Variants in ADAMTS12 observed in about 807,000 individuals in gnomAD.
ADAMTS12 encodes A disintegrin and metalloproteinase with thrombospondin motifs 12.
ADAMTS12 carries 118 observed loss-of-function variants against 167.8 expected under a neutral mutation model. That is an observed-to-expected ratio of 0.70 (90% CI 0.61 to 0.82). The LOEUF (loss-of-function observed/expected upper bound fraction) is 0.82, where lower values mean the gene tolerates loss of function less well. ADAMTS12 is among the 40% of genes least tolerant of loss of function. The pLI is 0.00. For missense variants in ADAMTS12, 1,916 were observed against 1,998.8 expected, an observed-to-expected ratio of 0.96 and a Z score of 0.79; for synonymous variants, 704 against 716.9, an observed-to-expected ratio of 0.98 and a Z score of 0.29.
intron 5 of ADAMTS12, among the ~76,000 whole-genome samples, chr5:33,666,665 G>C (rs1387966423): frequency 6.6e-6 from 1 of 151,980 alleles, no homozygotes. Flanking sequence ...GCTAATTTTT[G>C]TATACTTAGT....
Position 33,794,361 on chromosome 5 carries a change from T to C in ADAMTS12, c.490-42813A>G, listed in dbSNP as rs2548038. Among the ~76,000 whole-genome samples the C allele has an allele frequency of 1.1e-3, 172 of 152,250 alleles. 1 individual carries two copies. In the East Asian group the frequency reaches 0.029, roughly 26 times the overall value. On this transcript the variant is annotated intron_variant, in intron 2 of 23. Transcript: ENST00000504830. ...ATTGCTGGTTTGTTCTTGCAGTCGA[T>C]CTGGAGCTAAAATTCCGGTCCTCAT...
At chr5:33,665,548 AAG>A (rs1385070032) in intron 5 of ADAMTS12, among the ~76,000 whole-genome samples, 1 of 152,224 alleles carries the variant, frequency 6.6e-6, no homozygotes, top group African/African-American at 2.4e-5. Flanking sequence ...ATAAGAGAGA[AAG>A]AGAGAAATCA....
At chr5:33,554,870 T>C (rs1395987028) in intron 20 of ADAMTS12, among the ~76,000 whole-genome samples, 1 of 152,248 alleles carries the variant, frequency 6.6e-6, no homozygotes, top group Non-Finnish European at 1.5e-5. Context: ...AAGGAAAGGC[T>C]GTCACTTTCT....
chr5:33,668,625 A>T (rs2112231705), intron 5 of ADAMTS12, among the ~76,000 whole-genome samples: 1 of 152,250 alleles, frequency 6.6e-6, no homozygotes, highest in African/African-American at 2.4e-5. Flanking sequence ...TGGGACTATA[A>T]GCCTGCACCA....
chr5:33,869,468 A>G (rs1404100225), intron 2 of ADAMTS12, among the ~76,000 whole-genome samples: 1 of 152,082 alleles, frequency 6.6e-6, no homozygotes, highest in Non-Finnish European at 1.5e-5. Flanking sequence ...CTGGAACCCT[A>G]CACAGGGTCC....
chr5:33,695,142 T>G (rs1742707429), intron 3 of ADAMTS12, among the ~76,000 whole-genome samples: 1 of 152,214 alleles, frequency 6.6e-6, no homozygotes, highest in Non-Finnish European at 1.5e-5. Flanking sequence ...TATTTGCAAC[T>G]AAAGAGATGA....
At chr5:33,529,658 T>C (rs751436129) in intron 23 of ADAMTS12, among the ~76,000 whole-genome samples, 5 of 152,348 alleles carry the variant, frequency 3.3e-5, no homozygotes, top group Non-Finnish European at 7.3e-5. Flanking sequence ...AAATTCTTTT[T>C]ATCTCCTCAG....
At chr5:33,849,863 A>AAT (rs1303992749) in intron 2 of ADAMTS12, among the ~76,000 whole-genome samples, 1 of 150,984 alleles carries the variant, frequency 6.6e-6, no homozygotes, top group Non-Finnish European at 1.5e-5. Context: ...ACATTGTATC[A>AAT]ATATATATAT....
intron 2 of ADAMTS12, among the ~76,000 whole-genome samples, chr5:33,866,633 A>AT (rs879475873): frequency 2.0e-5 from 3 of 152,182 alleles, no homozygotes; most frequent in Admixed American, 2.0e-4. Flanking sequence ...GCATAGCAAA[A>AT]TAAATAATCA....
intron 2 of ADAMTS12, among the ~76,000 whole-genome samples, chr5:33,860,391 A>G (rs2111688368): frequency 6.6e-6 from 1 of 152,352 alleles, no homozygotes; most frequent in Middle Eastern, 3.4e-3. Context: ...AACCAAATCA[A>G]TCAAGTGGAA....
intron 6 of ADAMTS12, among the ~76,000 whole-genome samples, chr5:33,661,465 C>T (rs567608786): frequency 2.6e-4 from 40 of 152,302 alleles, no homozygotes. Context: ...CTATCCTCAG[C>T]ATCAAACAGT....
chr5:33,839,100 A>ATT (rs1748642785), intron 2 of ADAMTS12, among the ~76,000 whole-genome samples: 2 of 152,182 alleles, frequency 1.3e-5, no homozygotes, highest in Non-Finnish European at 2.9e-5. Context: ...TGTGATTTAA[A>ATT]AAAGAGGCAG....
chr5:33,558,424 A>T (rs560433618), intron 20 of ADAMTS12, among the ~76,000 whole-genome samples: 10 of 152,296 alleles, frequency 6.6e-5, no homozygotes, highest in African/African-American at 2.4e-4. Context: ...GCTGAATTTG[A>T]TGATGTGTCA....
intron 5 of ADAMTS12, among the ~76,000 whole-genome samples, chr5:33,678,291 T>C (rs1294128416): frequency 1.3e-5 from 2 of 152,250 alleles, no homozygotes; most frequent in African/African-American, 4.8e-5. Flanking sequence ...GCTGGCCTCA[T>C]TTGCACACTT....
intron 17 of ADAMTS12, among the ~76,000 whole-genome samples, chr5:33,589,415 A>T (rs1342808799): frequency 6.6e-6 from 1 of 152,102 alleles, no homozygotes; most frequent in Non-Finnish European, 1.5e-5. Context: ...TATTGCCTTT[A>T]TTTTTTTCCC....
At chr5:33,627,978 T>C (rs1318132697) in intron 13 of ADAMTS12, among the ~76,000 whole-genome samples, 1 of 152,146 alleles carries the variant, frequency 6.6e-6, no homozygotes, top group Admixed American at 6.5e-5. Context: ...ATTTTTATTT[T>C]AAGGAGTGCA....
chr5:33,786,598 A>G (rs1423486), intron 2 of ADAMTS12, among the ~76,000 whole-genome samples: 3,758 of 152,146 alleles, frequency 0.025, 179 homozygotes, highest in African/African-American at 0.087. Context: ...TTGCCTCCCA[A>G]GCATATTACC....
chr5:33,705,616 C>T (rs1480232103), intron 3 of ADAMTS12, among the ~76,000 whole-genome samples: 1 of 152,000 alleles, frequency 6.6e-6, no homozygotes, highest in Non-Finnish European at 1.5e-5. Flanking sequence ...AGTTTGAGAC[C>T]AGCCTGGCCA....
chr5:33,618,590 T>G (rs937825415), intron 14 of ADAMTS12, among the ~76,000 whole-genome samples: 14 of 152,200 alleles, frequency 9.2e-5, no homozygotes, highest in African/African-American at 3.4e-4. Context: ...CTTCTCCATC[T>G]TCTTTCTGGG....
Sources: gnomAD v4.1 joint callset for allele counts (sites outside exome capture counted in the v4.1 genomes callset) on GRCh38, gnomAD v4.1.1 for gene constraint, MANE v1.5 for transcripts, NCBI Gene and HGNC (gene_info 2026-07-23, HGNC 2026-07-21) for gene names.